The following SLIT2 variants were observed in gnomAD, a reference collection of about 807,000 sequenced individuals.
SLIT2 encodes slit guidance ligand 2, also known as slit homolog 2 protein.
Under a neutral mutation model 185.7 loss-of-function variants are expected in SLIT2, and 41 were observed. The observed-to-expected ratio is 0.22, with a 90% CI of 0.17 to 0.29. SLIT2 has a LOEUF of 0.29. Ranked by LOEUF, SLIT2 falls within the 10% of genes least tolerant of loss-of-function variation. The pLI is 1.00. For synonymous variants in SLIT2, 693 were observed against 680.2 expected (o/e 1.02, Z -0.29); for missense variants, 1,571 against 1,909.0 (o/e 0.82, Z 3.30).
intron 12 of SLIT2, among the ~76,000 whole-genome samples, chr4:20,520,572 A>G (rs1240528104): frequency 6.6e-6 from 1 of 152,116 alleles, no homozygotes; most frequent in Non-Finnish European, 1.5e-5. Flanking sequence ...TAATCCCACA[A>G]TCTTCATGTA....
intron 26 of SLIT2, among the ~76,000 whole-genome samples, chr4:20,564,108 T>G (rs1464585688): frequency 6.6e-6 from 1 of 151,810 alleles, no homozygotes; most frequent in African/African-American, 2.4e-5. Flanking sequence ...GCATCTCTTT[T>G]TAGCTCTGAT....
chr4:20,501,901 A>G (rs1412955755), intron 9 of SLIT2, among the ~76,000 whole-genome samples: 1 of 152,224 alleles, frequency 6.6e-6, no homozygotes, highest in Non-Finnish European at 1.5e-5. Context: ...GGCTTCATAT[A>G]TCCACTATGT....
rs116745245 is a variant in SLIT2 at position 20,301,884 on chromosome 4, T to A, written c.395+33003T>A. Among the ~76,000 whole-genome samples the A allele has an allele frequency of 2.8e-3, 430 of 152,296 alleles. 1 individual carries two copies. Among genetic ancestry groups the A allele is most frequent in the African/African-American group, 9.7e-3 (405 of 41,566 alleles). On this transcript the variant is annotated intron_variant, in intron 4 of 36. Transcript: ENST00000504154. ...GCTAGACAGTGATCGGGCTAAATGT[T>A]CATCAGGCTCAATCATTTTTTGGTG...
At position 20,533,575 on chromosome 4, in the gene SLIT2, C is replaced by T; in HGVS notation, c.1692C>T (p.Asn564=). The change falls in exon 18 of 37, where the codon AAC becomes AAT. Residue 564 remains asparagine (N), a synonymous_variant. Coordinates refer to ENST00000504154, the MANE Select transcript of SLIT2 (RefSeq NM_004787.4). The part of the protein sequence containing the change: ...FKKLPQLRKI[N]FSNNKITDIE... ...TGTTCCAACAATTTTTATTTAGAAACTTTAGCAACAATAAGATCACAGATA... is the reference window on the plus strand; with the variant it reads ...TGTTCCAACAATTTTTATTTAGAAATTTTAGCAACAATAAGATCACAGATA... The T allele has an allele frequency of 6.2e-7, 1 of 1,603,506 alleles. No individual in the cohort carries two copies.
intron 4 of SLIT2, among the ~76,000 whole-genome samples, chr4:20,400,775 G>A (rs1045984286): frequency 2.0e-5 from 3 of 151,832 alleles, no homozygotes; most frequent in African/African-American, 7.2e-5. Context: ...GGAAGCTAAA[G>A]AGGAATCCAT....
Position 20,610,076 on chromosome 4 carries a change from C to G in SLIT2, c.3756C>G (p.Leu1252=). 6.2e-7 allele frequency: 1 copy of G among 1,613,772 alleles called. No homozygotes were observed. ...AACTACTTGCCTTGGATCAGAGTCT[C>G]TCTTTGTCCGTGGATGGTGGGAACC... ...IVELLALDQS[L]SLSVDGGNPK... The change falls in exon 34 of 37, where the codon CTC becomes CTG. Residue 1252 remains leucine (L), a synonymous_variant. Coordinates refer to ENST00000504154, the MANE Select transcript of SLIT2 (RefSeq NM_004787.4).
rs73801825 is a variant in SLIT2, at chr4:20,469,554, A to C, written c.467+1731A>C. Among the ~76,000 whole-genome samples the C allele has an allele frequency of 3.2e-3, 482 of 152,186 alleles. 3 individuals are homozygous for C. The highest frequency in any genetic ancestry group is 0.011 in the African/African-American group (452 of 41,550). ...GGATGTTGATTTAGCAAAGTTTTCA[A>C]ATCTTTTCTCCCCCACAGGCATAAT... On this transcript the variant is annotated intron_variant, in intron 5 of 36. Transcript: ENST00000504154.
At chr4:20,276,920 A>G (rs1024227310) in intron 4 of SLIT2, among the ~76,000 whole-genome samples, 1 of 152,258 alleles carries the variant, frequency 6.6e-6, no homozygotes, top group African/African-American at 2.4e-5. Context: ...CCTAATCCTC[A>G]CAAAATGCTG....
intron 4 of SLIT2, among the ~76,000 whole-genome samples, chr4:20,270,356 C>T (rs757607784): frequency 8.6e-5 from 13 of 151,952 alleles, no homozygotes; most frequent in Non-Finnish European, 1.8e-4. Flanking sequence ...CAGAATCCCT[C>T]ATCAGCAAAT....
At chr4:20,292,000 G>C (rs981658123) in intron 4 of SLIT2, among the ~76,000 whole-genome samples, 1 of 151,694 alleles carries the variant, frequency 6.6e-6, no homozygotes, top group African/African-American at 2.4e-5. Flanking sequence ...GAGGAGAATG[G>C]ATAGACTATG....
intron 4 of SLIT2, among the ~76,000 whole-genome samples, chr4:20,380,461 AAGTTTCAG>A (rs1724404844): frequency 1.3e-5 from 2 of 152,112 alleles, no homozygotes; most frequent in African/African-American, 4.8e-5. Flanking sequence ...TCAATAGAAA[AAGTTTCAG>A]ATAGCACTGA....
At chr4:20,539,015 C>CAA (rs1722565998) in intron 18 of SLIT2, among the ~76,000 whole-genome samples, 1 of 152,160 alleles carries the variant, frequency 6.6e-6, no homozygotes, top group Non-Finnish European at 1.5e-5. Flanking sequence ...AGTTCTTCAT[C>CAA]TGCAGTGGCT....
intron 4 of SLIT2, among the ~76,000 whole-genome samples, chr4:20,271,165 C>G (rs1713561532): frequency 6.6e-6 from 1 of 151,700 alleles, no homozygotes; most frequent in Admixed American, 6.6e-5. Context: ...GTGCACAAAC[C>G]TATATGCACA....
intron 4 of SLIT2, among the ~76,000 whole-genome samples, chr4:20,391,900 A>G (rs1725448477): frequency 6.6e-6 from 1 of 152,096 alleles, no homozygotes; most frequent in Non-Finnish European, 1.5e-5. Flanking sequence ...GCCATCTTCT[A>G]GAGGAAGAAA....
chr4:20,299,513 G>A lies in SLIT2; in HGVS notation c.395+30632G>A, dbSNP rs147559398. ...ATCTATTTCAATAAATTGAAAATGA[G>A]TTCCTACTTTCTTTTCCATATGCTG... On this transcript the variant is annotated intron_variant, in intron 4 of 36. Coordinates refer to ENST00000504154, the MANE Select transcript of SLIT2 (RefSeq NM_004787.4). Among the ~76,000 whole-genome samples the A allele has an allele frequency of 5.0e-3, 766 of 152,192 alleles. 14 individuals carry two copies. The highest frequency in any genetic ancestry group is 0.018 in the African/African-American group (749 of 41,528).
At chr4:20,348,776 T>G (rs1406501235) in intron 4 of SLIT2, among the ~76,000 whole-genome samples, 1 of 152,248 alleles carries the variant, frequency 6.6e-6, no homozygotes, top group Non-Finnish European at 1.5e-5. Context: ...GGTTTCATTC[T>G]GATTTCACAC....
At chr4:20,280,332 CAA>C (rs10585964) in intron 4 of SLIT2, among the ~76,000 whole-genome samples, 1,713 of 87,452 alleles carry the variant, frequency 0.02, 18 homozygotes, top group African/African-American at 0.064. Context: ...GACTCTGTCT[CAA>C]AAAAAAAAAA....
intron 4 of SLIT2, among the ~76,000 whole-genome samples, chr4:20,436,694 T>A (rs1729363494): frequency 6.6e-6 from 1 of 152,202 alleles, no homozygotes; most frequent in Non-Finnish European, 1.5e-5. Context: ...GCAACAGTAA[T>A]TTCTTCATGA....
rs1161687369 is a variant in SLIT2, at chr4:20,266,433, CA to C, written c.324-2376del. 3.9e-5 allele frequency among the ~76,000 whole-genome samples: 6 copies of C among 151,952 alleles called. No homozygotes were observed. The East Asian group carries it at 9.7e-4, about 25-fold the overall frequency. ...GGCATGTGAAAGCAGGTTTGACAGC[CA>C]GAGAATGGCATCAAACCCAAGGCAG... On this transcript the variant is annotated intron_variant, in intron 3 of 36. Coordinates refer to ENST00000504154, the MANE Select transcript of SLIT2 (RefSeq NM_004787.4).
Sources: allele counts gnomAD v4.1 joint callset (sites outside exome capture counted in the v4.1 genomes callset), GRCh38; gene constraint gnomAD v4.1.1; transcripts MANE v1.5; gene names NCBI Gene and HGNC (gene_info 2026-07-23, HGNC 2026-07-21).